The following EFCAB11 variants were observed in gnomAD, a reference collection of about 807,000 sequenced individuals.
EFCAB11 encodes the protein EF-hand calcium binding domain 11.
EFCAB11 carries 14 observed loss-of-function variants against 23.0 expected under a neutral mutation model. The ratio of observed to expected loss-of-function variants is 0.61; its 90% confidence interval spans 0.40 to 0.95. The LOEUF is 0.95. Among genes scored for constraint, EFCAB11 ranks in the 40% least tolerant of loss-of-function variants. EFCAB11 has a pLI of 0.00. For missense variants in EFCAB11, 198 were observed against 195.8 expected, an observed-to-expected ratio of 1.01 and a Z score of -0.07; for synonymous variants, 65 against 66.6, an observed-to-expected ratio of 0.98 and a Z score of 0.11.
At chr14:89,903,158 A>G (rs1268555882) in intron 5 of EFCAB11, among the ~76,000 whole-genome samples, 1 of 152,234 alleles carries the variant, frequency 6.6e-6, no homozygotes, top group African/African-American at 2.4e-5. Context: ...ATACACATTT[A>G]AAACAGAAAG....
At chr14:89,895,884 A>G (rs1793589905) in intron 5 of EFCAB11, among the ~76,000 whole-genome samples, 1 of 152,240 alleles carries the variant, frequency 6.6e-6, no homozygotes, top group Admixed American at 6.5e-5. Flanking sequence ...TTTGTTAACT[A>G]GACCGAATAT....
At chr14:89,868,394 T>C (rs1453450151) in intron 5 of EFCAB11, among the ~76,000 whole-genome samples, 1 of 152,218 alleles carries the variant, frequency 6.6e-6, no homozygotes, top group Non-Finnish European at 1.5e-5. Context: ...AAAGAGTTTA[T>C]AAAGATACAA....
chr14:89,854,119 A>G (rs867992942), intron 5 of EFCAB11, among the ~76,000 whole-genome samples: 1 of 151,992 alleles, frequency 6.6e-6, no homozygotes, highest in South Asian at 2.1e-4. Context: ...TTCAACACCC[A>G]TATGGAAAAA....
chr14:89,907,926 G>A (rs945671685), intron 5 of EFCAB11, among the ~76,000 whole-genome samples: 1 of 152,124 alleles, frequency 6.6e-6, no homozygotes, highest in African/African-American at 2.4e-5. Context: ...GTCGTTGTGC[G>A]GATCAAATGA....
At chr14:89,893,798 C>T (rs1278708966) in intron 5 of EFCAB11, among the ~76,000 whole-genome samples, 1 of 143,590 alleles carries the variant, frequency 7.0e-6, no homozygotes, top group African/African-American at 2.6e-5. Flanking sequence ...AACAAACAAA[C>T]AAAAAAAAAG....
chr14:89,921,021 C>T (rs1407079875), intron 5 of EFCAB11, among the ~76,000 whole-genome samples: 4 of 146,334 alleles, frequency 2.7e-5, no homozygotes, highest in East Asian at 2.0e-4. Flanking sequence ...GCCGAGGTCG[C>T]GCCACTGAAC....
At chr14:89,924,416 C>T (rs1178078880) in intron 5 of EFCAB11, 1 of 1,323,996 alleles carries the variant, frequency 7.6e-7, no homozygotes. Flanking sequence ...ACCTTATGCA[C>T]ATTCACATTT....
rs551742762 is a variant in EFCAB11, at chr14:89,908,384, A to T, written c.410+23157T>A. On this transcript the variant is annotated intron_variant, in intron 5 of 5. Transcript: ENST00000316738. ...GTTAAGTAACTTGCCCTGGAAATCC[A>T]AACTCCGAAATGCTCCAAAATCCGA... is the stretch of plus-strand genomic sequence containing the variant. Among the ~76,000 whole-genome samples the T allele has an allele frequency of 2.6e-5, 4 of 152,332 alleles. No homozygotes were observed. The East Asian group carries it at 7.7e-4, about 29-fold the overall frequency.
intron 3 of EFCAB11, among the ~76,000 whole-genome samples, chr14:89,934,454 G>A (rs776803601): frequency 6.6e-6 from 1 of 152,058 alleles, no homozygotes; most frequent in South Asian, 2.1e-4. Context: ...AAGTCTGGGG[G>A]AAGAGCAAAA....
At chr14:89,936,722 G>C (rs1360439420) in intron 3 of EFCAB11, among the ~76,000 whole-genome samples, 1 of 152,168 alleles carries the variant, frequency 6.6e-6, no homozygotes, top group Non-Finnish European at 1.5e-5. Context: ...TCATGTTGTA[G>C]TAATATGATC....
chr14:89,892,806 G>A (rs1421452432), intron 5 of EFCAB11, among the ~76,000 whole-genome samples: 1 of 152,130 alleles, frequency 6.6e-6, no homozygotes, highest in African/African-American at 2.4e-5. Context: ...GGAGGCTAAG[G>A]CAGGAGAATC....
intron 5 of EFCAB11, among the ~76,000 whole-genome samples, chr14:89,851,639 C>T (rs539607159): frequency 3.3e-5 from 5 of 152,242 alleles, no homozygotes; most frequent in Admixed American, 6.5e-5. Context: ...CTGAGAGAAA[C>T]GAAAAGCAAA....
intron 5 of EFCAB11, among the ~76,000 whole-genome samples, chr14:89,841,044 C>G (rs1887245227): frequency 6.6e-6 from 1 of 152,174 alleles, no homozygotes; most frequent in Admixed American, 6.5e-5. Context: ...GTGTCTTCTT[C>G]CTCACACTGC....
At chr14:89,943,014 G>A (rs1402618702) in intron 3 of EFCAB11, among the ~76,000 whole-genome samples, 1 of 152,156 alleles carries the variant, frequency 6.6e-6, no homozygotes, top group African/African-American at 2.4e-5. Flanking sequence ...CCTAAAAGCA[G>A]CTGAGTCTGG....
intron 5 of EFCAB11, among the ~76,000 whole-genome samples, chr14:89,878,623 T>C (rs1186123742): frequency 6.6e-6 from 1 of 152,148 alleles, no homozygotes; most frequent in Non-Finnish European, 1.5e-5. Context: ...AAATATATCT[T>C]CACAGCTTTA....
chr14:89,898,195 G>A (rs933385889), intron 5 of EFCAB11, among the ~76,000 whole-genome samples: 1 of 152,166 alleles, frequency 6.6e-6, no homozygotes, highest in Non-Finnish European at 1.5e-5. Flanking sequence ...AACAAGGTGT[G>A]AGGCCTTGCA....
At chr14:89,827,737 G>A (rs779596971) in intron 5 of EFCAB11, among the ~76,000 whole-genome samples, 3 of 149,558 alleles carry the variant, frequency 2.0e-5, no homozygotes, top group Non-Finnish European at 4.4e-5. Flanking sequence ...GGGTTCAAGC[G>A]ATTCTCCTGC....
intron 5 of EFCAB11, chr14:89,892,260 C>T: frequency 5.6e-6 from 9 of 1,613,356 alleles, no homozygotes; most frequent in Non-Finnish European, 7.6e-6. Flanking sequence ...TTCGTGGAGA[C>T]CTCTGTTAAA....
intron 5 of EFCAB11, among the ~76,000 whole-genome samples, chr14:89,809,171 C>T (rs548521834): frequency 3.9e-5 from 6 of 152,272 alleles, no homozygotes; most frequent in South Asian, 2.1e-4. Flanking sequence ...GACAGGTGAC[C>T]GTTGTGCTGA....
Sources: allele counts gnomAD v4.1 joint callset (sites outside exome capture counted in the v4.1 genomes callset), GRCh38; gene constraint gnomAD v4.1.1; transcripts MANE v1.5; gene names NCBI Gene and HGNC (gene_info 2026-07-23, HGNC 2026-07-21).